SLC41A3: variants seen among roughly 807,000 people sequenced by gnomAD.
The protein encoded by SLC41A3 is SLC41A1-like 2.
In SLC41A3, 44 loss-of-function variants were observed where a neutral mutation model predicts 45.4. The observed-to-expected ratio is 0.97, with a 90% CI of 0.76 to 1.25. The LOEUF is 1.25. SLC41A3 is among the 50% of genes most tolerant of loss of function. SLC41A3 has a pLI of 0.00. For synonymous variants in SLC41A3, 256 were observed against 252.4 expected (o/e 1.01, Z -0.13); for missense variants, 550 against 600.6 (o/e 0.92, Z 0.88).
intron 1 of SLC41A3, chr3:126,095,107 T>C: frequency 1.7e-6 from 1 of 584,308 alleles, no homozygotes. Flanking sequence ...ACAACTGATT[T>C]GGTGGTGAGA....
At position 126,082,747 on chromosome 3, in the gene SLC41A3, C is replaced by G. The variant is rs569319927; in HGVS notation, c.-28+1346G>C. On this transcript the variant is annotated intron_variant, in intron 1 of 10. Coordinates refer to ENST00000360370, the MANE Select transcript of SLC41A3 (RefSeq NM_017836.4). ...CACCCCAGTGCGAACACATCCTGCC[C>G]GGGGACCTGGACCCAGCAGCTCACA... is the stretch of plus-strand genomic sequence containing the variant. 5.3e-5 allele frequency among the ~76,000 whole-genome samples: 8 copies of G among 152,346 alleles called. No individual in the cohort carries two copies. The South Asian group carries it at 1.0e-3, about 20-fold the overall frequency.
chr3:126,021,014 C>CA (rs1427180299), intron 6 of SLC41A3, among the ~76,000 whole-genome samples: 1 of 152,100 alleles, frequency 6.6e-6, no homozygotes, highest in Non-Finnish European at 1.5e-5. Flanking sequence ...CCTGCCTCAG[C>CA]CTGCCGAGTA....
intron 1 of SLC41A3, among the ~76,000 whole-genome samples, chr3:126,092,907 G>T (rs977490384): frequency 2.6e-5 from 4 of 152,100 alleles, no homozygotes; most frequent in African/African-American, 7.2e-5. Flanking sequence ...GGAGGGAGAG[G>T]TTCATCCCTA....
upstream of SLC41A3, among the ~76,000 whole-genome samples, chr3:126,088,271 T>A (rs1341146398): frequency 6.6e-6 from 1 of 152,150 alleles, no homozygotes; most frequent in Admixed American, 6.5e-5. Context: ...AGCTCTAACC[T>A]AGTAACTTTA....
At position 126,006,490 on chromosome 3, in the gene SLC41A3, G is replaced by A. The variant is rs758065767; in HGVS notation, c.*526C>T. The A allele has an allele frequency of 4.3e-6, 7 of 1,614,074 alleles. No individual in the cohort carries two copies. Among genetic ancestry groups the A allele is most frequent in the Non-Finnish European group, 4.2e-6 (5 of 1,180,018 alleles). The stretch of plus-strand genomic sequence containing the variant: ...ATTAAATGTTGAGTGCAGATGAAGG[G>A]TTGTATGAGGCCCCATCCTGGGGAG... On this transcript the variant is annotated 3_prime_UTR_variant, in exon 11 of 11. Transcript: ENST00000360370.
Position 126,026,311 on chromosome 3 carries a change from G to T in SLC41A3, c.598+24C>A. On this transcript the variant is annotated intron_variant, in intron 5 of 10. Transcript: ENST00000360370. This position sits in a 1 kb window ranked among gnomAD's most constrained non-coding sequence, Gnocchi z 4.2. Reference sequence around the variant, plus strand: ...TCAGAGGAGCAGGGAGCGGGTGGGGGCTCACAGCTGGGGCATGGCTCACCC... The same window carrying T: ...TCAGAGGAGCAGGGAGCGGGTGGGGTCTCACAGCTGGGGCATGGCTCACCC... The T allele has an allele frequency of 6.4e-7, 1 of 1,553,690 alleles. No homozygotes were observed. The highest frequency in any genetic ancestry group is 8.7e-7 in the Non-Finnish European group (1 of 1,147,870).
At position 126,023,771 on chromosome 3, in the gene SLC41A3, TCTC is replaced by T. The variant is rs1434110418; in HGVS notation, c.599-842_599-840del. The T allele has an allele frequency of 7.9e-5, 12 of 152,336 alleles. No homozygotes were observed. In the South Asian group the frequency reaches 1.9e-3, roughly 24 times the overall value. 9.4% of individuals were successfully genotyped at this position (152,336 alleles called of 1,614,324 possible). ...CTCTGAAGGGGACTATCACATGTGA[TCTC>T]CTAGTCCCCATCCACAGCCTAGGAC... On this transcript the variant is annotated intron_variant, in intron 5 of 10. Transcript: ENST00000360370.
chr3:126,059,522 C>T (rs1943945608), intron 2 of SLC41A3, among the ~76,000 whole-genome samples: 1 of 152,154 alleles, frequency 6.6e-6, no homozygotes, highest in Non-Finnish European at 1.5e-5. Flanking sequence ...ATTTTCACAA[C>T]AGCCCTGGGA....
At chr3:126,088,996 C>G (rs892206506), upstream of SLC41A3, among the ~76,000 whole-genome samples, 5 of 152,140 alleles carry the variant, frequency 3.3e-5, no homozygotes, top group African/African-American at 1.2e-4. Flanking sequence ...TCTGGTTGCC[C>G]TGAGAAGGGG....
At chr3:126,071,458 A>G (rs1450539335) in intron 1 of SLC41A3, among the ~76,000 whole-genome samples, 7 of 152,228 alleles carry the variant, frequency 4.6e-5, no homozygotes, top group Admixed American at 4.6e-4. Context: ...TAATAGTTGG[A>G]CATACCTCAC....
At position 126,026,550 on chromosome 3, in the gene SLC41A3, T is replaced by G; in HGVS notation, c.454-71A>C. The G allele has an allele frequency of 6.5e-7, 1 of 1,545,620 alleles. No homozygotes were observed. Among genetic ancestry groups the G allele is most frequent in the Non-Finnish European group, 8.8e-7 (1 of 1,140,774 alleles). On this transcript the variant is annotated intron_variant, in intron 4 of 10. Coordinates refer to ENST00000360370, the MANE Select transcript of SLC41A3 (RefSeq NM_017836.4). This position sits in a 1 kb window ranked among gnomAD's most constrained non-coding sequence, Gnocchi z 4.2. ...AGCCACACTCCCTGCCCTTCACACCTCACTCACCGCAAGGGGCCGGGTGCC... is the reference window on the plus strand; with the variant it reads ...AGCCACACTCCCTGCCCTTCACACCGCACTCACCGCAAGGGGCCGGGTGCC...
At chr3:126,047,326 G>T (rs1559854036) in intron 3 of SLC41A3, among the ~76,000 whole-genome samples, 1 of 152,154 alleles carries the variant, frequency 6.6e-6, no homozygotes, top group Non-Finnish European at 1.5e-5. Flanking sequence ...TCGTGCCACT[G>T]CACTCCAGCC....
At chr3:126,023,815 C>T (rs1941119819) in intron 5 of SLC41A3, 1 of 152,364 alleles carries the variant, frequency 6.6e-6, no homozygotes, top group African/African-American at 2.4e-5. Context: ...TCAACAGACT[C>T]TCACTTGGTT....
intron 2 of SLC41A3, among the ~76,000 whole-genome samples, chr3:126,058,987 C>G (rs944633082): frequency 6.6e-6 from 1 of 151,916 alleles, no homozygotes; most frequent in African/African-American, 2.4e-5. Context: ...ACTCTCTGAA[C>G]CTTCCTGAAG....
At chr3:126,078,024 A>G (rs1944962296) in intron 1 of SLC41A3, among the ~76,000 whole-genome samples, 1 of 152,084 alleles carries the variant, frequency 6.6e-6, no homozygotes, top group African/African-American at 2.4e-5. Context: ...AGAGATGGGA[A>G]CTGCCTACTC....
intron 3 of SLC41A3, among the ~76,000 whole-genome samples, chr3:126,035,540 C>T (rs1001340862): frequency 4.6e-5 from 7 of 152,108 alleles, no homozygotes; most frequent in Non-Finnish European, 7.3e-5. Flanking sequence ...GGAGAAAGAG[C>T]GAAATCAACG....
chr3:126,077,080 A>G (rs1340803711), intron 1 of SLC41A3, among the ~76,000 whole-genome samples: 4 of 152,226 alleles, frequency 2.6e-5, no homozygotes, highest in South Asian at 2.1e-4. Flanking sequence ...TTTAGACAAT[A>G]CAAAATAATA....
chr3:126,057,992 C>T (rs1053351809), intron 2 of SLC41A3: 39 of 152,306 alleles, frequency 2.6e-4, no homozygotes, highest in African/African-American at 9.4e-4. Flanking sequence ...AAACTGACAA[C>T]TTCTATGTCC....
chr3:126,075,781 C>CA (rs1944853753), intron 1 of SLC41A3, among the ~76,000 whole-genome samples: 1 of 152,074 alleles, frequency 6.6e-6, no homozygotes, highest in African/African-American at 2.4e-5. Context: ...TAATCACATG[C>CA]AAAAGAATGA....
Sources: gnomAD v4.1 joint callset for allele counts (sites outside exome capture counted in the v4.1 genomes callset) on GRCh38, gnomAD v4.1.1 for gene constraint, Gnocchi (gnomAD v3.1) non-coding constraint, MANE v1.5 for transcripts, NCBI Gene and HGNC (gene_info 2026-07-23, HGNC 2026-07-21) for gene names.